TRDN: variants seen among roughly 807,000 people sequenced by gnomAD.
TRDN encodes the protein triadin, also known as triadin in skeletal muscle.
In TRDN, 161 loss-of-function variants were observed where a neutral mutation model predicts 149.7. The observed-to-expected ratio is 1.08, with a 90% CI of 0.95 to 1.23. TRDN has a LOEUF of 1.23. Among genes scored for constraint, TRDN ranks in the 50% most tolerant of loss-of-function variants. The pLI, the probability that TRDN is intolerant of heterozygous loss-of-function variation, is 0.00. For missense variants in TRDN, 896 were observed against 823.5 expected, an observed-to-expected ratio of 1.09 and a Z score of -1.08; for synonymous variants, 294 against 250.5, an observed-to-expected ratio of 1.17 and a Z score of -1.64.
intron 9 of TRDN, among the ~76,000 whole-genome samples, chr6:123,492,746 A>C (rs1778275806): frequency 1.3e-5 from 2 of 152,264 alleles, no homozygotes; most frequent in African/African-American, 4.8e-5. Flanking sequence ...TTTCCAAAAA[A>C]AGAAAAAGAA....
At chr6:123,457,209 C>A (rs1776178875) in intron 10 of TRDN, among the ~76,000 whole-genome samples, 1 of 152,044 alleles carries the variant, frequency 6.6e-6, no homozygotes, top group Non-Finnish European at 1.5e-5. Context: ...AGGAAACTGG[C>A]CCTGATCTCA....
At chr6:123,560,040 A>C (rs1781897410) in intron 2 of TRDN, among the ~76,000 whole-genome samples, 1 of 151,906 alleles carries the variant, frequency 6.6e-6, no homozygotes, top group South Asian at 2.1e-4. Context: ...ATTCTTACAC[A>C]AGAGCCAGGA....
chr6:123,225,508 A>G (rs562875277), intron 38 of TRDN, among the ~76,000 whole-genome samples: 326 of 141,508 alleles, frequency 2.3e-3, no homozygotes, highest in Non-Finnish European at 2.9e-3. Context: ...TGTTCTCACC[A>G]CACAGACACA....
At position 123,484,748 on chromosome 6, in the gene TRDN, C is replaced by G. The variant is rs1233440459; in HGVS notation, c.853+12445G>C. ...TACCTACAGAACCTGCCTCCTCTTTCGCAAGACTAGGAGACAAAATTCTAA... is the reference window on the plus strand; with the variant it reads ...TACCTACAGAACCTGCCTCCTCTTTGGCAAGACTAGGAGACAAAATTCTAA... On this transcript the variant is annotated intron_variant, in intron 9 of 40. Transcript: ENST00000334268. Among the ~76,000 whole-genome samples the G allele has an allele frequency of 2.0e-5, 3 of 152,136 alleles. 1 individual carries two copies. Among genetic ancestry groups the G allele is most frequent in the Non-Finnish European group, 4.4e-5 (3 of 68,012 alleles).
intron 22 of TRDN, 102 bp from the exon 23 acceptor site, chr6:123,332,031 A>C: frequency 2.4e-6 from 2 of 850,120 alleles, no homozygotes; most frequent in Non-Finnish European, 3.5e-6. Context: ...AGCTGAAAGT[A>C]AGTGGAAACT....
At chr6:123,376,605 T>C (rs1781517164) in intron 18 of TRDN, among the ~76,000 whole-genome samples, 1 of 152,120 alleles carries the variant, frequency 6.6e-6, no homozygotes, top group Admixed American at 6.6e-5. Context: ...TTTAACAGCA[T>C]ATGAAATATT....
intron 21 of TRDN, chr6:123,350,886 C>A (rs1780437890): frequency 1.0e-6 from 1 of 983,592 alleles, no homozygotes; most frequent in Non-Finnish European, 1.2e-6. Flanking sequence ...ATAAAATCAT[C>A]TGAAGGAGTA....
At chr6:123,426,954 AT>A (rs1440103254) in intron 12 of TRDN, among the ~76,000 whole-genome samples, 2 of 151,970 alleles carry the variant, frequency 1.3e-5, no homozygotes, top group Non-Finnish European at 2.9e-5. Flanking sequence ...TCTAGAAACC[AT>A]TTTTCCCTAT....
chr6:123,517,232 G>A (rs1263201308), intron 5 of TRDN, among the ~76,000 whole-genome samples: 1 of 152,112 alleles, frequency 6.6e-6, no homozygotes, highest in Non-Finnish European at 1.5e-5. Flanking sequence ...TGACATTTAA[G>A]AGTATGAGAA....
chr6:123,274,125 A>G (rs1279631464), intron 27 of TRDN, among the ~76,000 whole-genome samples: 2 of 152,130 alleles, frequency 1.3e-5, no homozygotes, highest in Non-Finnish European at 1.5e-5. Context: ...GATATTAAGT[A>G]TAGGTAATAA....
At chr6:123,564,398 T>TTG (rs1554258095) in intron 2 of TRDN, among the ~76,000 whole-genome samples, 14 of 152,002 alleles carry the variant, frequency 9.2e-5, no homozygotes, top group East Asian at 3.9e-4. Flanking sequence ...AATAACATAT[T>TTG]CGTGTGTGTG....
chr6:123,279,394 T>C (rs530871178), intron 24 of TRDN, among the ~76,000 whole-genome samples: 1 of 152,272 alleles, frequency 6.6e-6, no homozygotes, highest in South Asian at 2.1e-4. Flanking sequence ...TGACTGACTG[T>C]GTTCCAATAA....
chr6:123,387,228 T>A (rs1781938774), intron 14 of TRDN, among the ~76,000 whole-genome samples: 1 of 152,138 alleles, frequency 6.6e-6, no homozygotes, highest in African/African-American at 2.4e-5. Flanking sequence ...CTATTAAAAC[T>A]CCCAAACAGC....
chr6:123,485,421 A>G lies in TRDN; in HGVS notation c.853+11772T>C, dbSNP rs1583126729. On this transcript the variant is annotated intron_variant, in intron 9 of 40. Transcript: ENST00000334268. ...GATCATCAAATTTTTTTTCATTGAA[A>G]TAAATATTCTACACCCTGAACTTAA... 2.6e-5 allele frequency among the ~76,000 whole-genome samples: 4 copies of G among 152,184 alleles called. No homozygotes were observed. The East Asian group carries it at 5.8e-4, about 22-fold the overall frequency.
intron 12 of TRDN, among the ~76,000 whole-genome samples, chr6:123,424,668 G>A (rs1774042746): frequency 6.6e-6 from 1 of 152,150 alleles, no homozygotes; most frequent in African/African-American, 2.4e-5. Flanking sequence ...AATAACAAAT[G>A]ATTACAAATG....
intron 1 of TRDN, among the ~76,000 whole-genome samples, chr6:123,619,099 A>G (rs1052893463): frequency 1.3e-5 from 2 of 152,180 alleles, no homozygotes; most frequent in Non-Finnish European, 2.9e-5. Context: ...AGTATTATGA[A>G]CTTAGTGTGC....
intron 5 of TRDN, chr6:123,529,427 A>G (rs1402592628): frequency 1.5e-6 from 2 of 1,342,040 alleles, no homozygotes; most frequent in Middle Eastern, 3.9e-4. Flanking sequence ...TTGGCTGACC[A>G]ATCTAGAATG....
intron 19 of TRDN, among the ~76,000 whole-genome samples, chr6:123,367,538 C>G (rs1474395074): frequency 1.3e-5 from 2 of 152,162 alleles, no homozygotes; most frequent in Non-Finnish European, 2.9e-5. Flanking sequence ...ACAATTTAAA[C>G]CCAGGCAAGA....
intron 23 of TRDN, among the ~76,000 whole-genome samples, chr6:123,326,549 A>G (rs1422434054): frequency 7.2e-6 from 1 of 139,120 alleles, no homozygotes; most frequent in African/African-American, 2.7e-5. Context: ...AGTCACCCAA[A>G]TTTTCTTATA....
Sources: allele counts gnomAD v4.1 joint callset (sites outside exome capture counted in the v4.1 genomes callset), GRCh38; gene constraint gnomAD v4.1.1; transcripts MANE v1.5; gene names NCBI Gene and HGNC (gene_info 2026-07-23, HGNC 2026-07-21).